The following AP1M1 variants were observed in gnomAD, a reference collection of about 807,000 sequenced individuals.
AP1M1 encodes AP-1 complex subunit mu-1.
AP1M1 carries 18 observed loss-of-function variants against 57.1 expected under a neutral mutation model. The ratio of observed to expected loss-of-function variants is 0.32; its 90% CI spans 0.22 to 0.47. AP1M1 has a LOEUF of 0.47. Among genes scored for constraint, AP1M1 ranks in the 20% least tolerant of loss-of-function variants. The probability of loss-of-function intolerance (pLI) is 1.00; values close to 1 mark genes in which losing one functional copy is unlikely to be tolerated. For synonymous variants in AP1M1, 241 were observed against 237.9 expected (o/e 1.01, Z -0.12); for missense variants, 362 against 593.5 (o/e 0.61, Z 4.05).
At position 16,235,129 on chromosome 19, in the gene AP1M1, G is replaced by T. The variant is rs1478442973; in HGVS notation, c.*694G>T. 1 of 152,402 alleles carries T rather than the reference G, an allele frequency of 6.6e-6. No individual in the cohort carries two copies. The highest frequency in any genetic ancestry group is 1.5e-5 in the Non-Finnish European group (1 of 68,208). The allele number at this position is 152,402 out of a possible 1,614,324, so 9.4% of individuals were successfully genotyped here. ...GCCTCGCCTGTGGCGCCTTCCCAGGGCCAGCCTGGGTCACGAGATGCTGTC... is the reference window on the plus strand; with the variant it reads ...GCCTCGCCTGTGGCGCCTTCCCAGGTCCAGCCTGGGTCACGAGATGCTGTC... On this transcript the variant is annotated 3_prime_UTR_variant, in exon 12 of 12. Transcript: ENST00000291439.
At position 16,207,423 on chromosome 19, in the gene AP1M1, C is replaced by T. The variant is rs535671685; in HGVS notation, c.268-596C>T. The stretch of plus-strand genomic sequence containing the variant: ...TTTCCAAGCAGAGGCCGGGTGATCA[C>T]AGTCCTGAAGCGCGCAGGGGTCAGC... On this transcript the variant is annotated intron_variant, in intron 3 of 11. Transcript: ENST00000291439. The surrounding 1 kb of genome is among the most constrained non-coding windows in gnomAD (Gnocchi z 4.2). Among the ~76,000 whole-genome samples the T allele has an allele frequency of 8.7e-4, 132 of 152,124 alleles. No individual in the cohort carries two copies. Among genetic ancestry groups the T allele is most frequent in the Middle Eastern group, 3.4e-3 (1 of 294 alleles).
intron 5 of AP1M1, 52 bp from the exon 6 acceptor site, chr19:16,226,369 C>T: frequency 6.7e-7 from 1 of 1,501,766 alleles, no homozygotes; most frequent in Non-Finnish European, 8.9e-7. Context: ...TGGTAGGAGG[C>T]AGTGGCTGGT....
chr19:16,225,646 C>G (rs2091568005), intron 5 of AP1M1, among the ~76,000 whole-genome samples: 1 of 152,220 alleles, frequency 6.6e-6, no homozygotes, highest in African/African-American at 2.4e-5. Flanking sequence ...CCCCACAGTC[C>G]CTGCCCCAGA....
chr19:16,217,698 AC>A (rs1238794452), intron 5 of AP1M1, among the ~76,000 whole-genome samples: 1 of 152,150 alleles, frequency 6.6e-6, no homozygotes, highest in African/African-American at 2.4e-5. Context: ...GGGCAAGACT[AC>A]CCTGGAGAGT....
chr19:16,208,335 C>A (rs2091478725), intron 4 of AP1M1, 186 bp downstream of exon 4: 1 of 551,276 alleles, frequency 1.8e-6, no homozygotes, highest in Non-Finnish European at 3.1e-6. Flanking sequence ...CTCCTCTACG[C>A]CCCCACATAA....
chr19:16,233,217 T>C (rs2091606777), intron 9 of AP1M1, among the ~76,000 whole-genome samples: 1 of 152,206 alleles, frequency 6.6e-6, no homozygotes, highest in Non-Finnish European at 1.5e-5. Flanking sequence ...CAGACCACAC[T>C]GGCAGGGGCT....
intron 2 of AP1M1, among the ~76,000 whole-genome samples, chr19:16,205,461 C>T (rs771948347): frequency 3.3e-5 from 5 of 152,276 alleles, no homozygotes; most frequent in South Asian, 2.1e-4. Context: ...GGCCAGCACT[C>T]GTTTGACTGG....
At position 16,197,969 on chromosome 19, in the gene AP1M1, C is replaced by T; in HGVS notation, c.-58C>T. 1 of 1,494,514 alleles carries T rather than the reference C, an allele frequency of 6.7e-7. No homozygotes were observed. Among genetic ancestry groups the T allele is most frequent in the Non-Finnish European group, 9.0e-7 (1 of 1,111,710 alleles). 92.6% of individuals were successfully genotyped at this position (1,494,514 alleles called of 1,614,324 possible). A position where few individuals can be genotyped will look rare whatever the true frequency, so the allele number is the denominator to read the frequency against. On this transcript the variant is annotated 5_prime_UTR_variant, in exon 1 of 12. Coordinates refer to ENST00000291439, the MANE Select transcript of AP1M1 (RefSeq NM_032493.4). Reference sequence around the variant, plus strand: ...GGCCTTGCTCAACGCCCAGCAGTCCCCACCGTCGCTGCCGCCGCCACCGCC... The same window carrying T: ...GGCCTTGCTCAACGCCCAGCAGTCCTCACCGTCGCTGCCGCCGCCACCGCC...
At chr19:16,202,401 A>G (rs1253316862) in intron 1 of AP1M1, among the ~76,000 whole-genome samples, 1 of 152,200 alleles carries the variant, frequency 6.6e-6, no homozygotes. Flanking sequence ...GGTATAATTT[A>G]CATTAATAAC....
At chr19:16,222,205 ATTATTATT>A (rs1353387951) in intron 5 of AP1M1, among the ~76,000 whole-genome samples, 1 of 60,370 alleles carries the variant, frequency 1.7e-5, no homozygotes, top group African/African-American at 4.1e-5. Context: ...TACTATTATT[ATTATTATT>A]TTTTTTTTTT....
chr19:16,233,440 G>A lies in AP1M1; in HGVS notation c.1048-53G>A, dbSNP rs945854606. 22 of 1,512,656 alleles carry A rather than the reference G, an allele frequency of 1.5e-5. No individual in the cohort carries two copies. In the East Asian group the frequency reaches 5.2e-4, roughly 36 times the overall value. 93.7% of individuals were successfully genotyped at this position (1,512,656 alleles called of 1,614,324 possible). ...CATCGCCACTAGGGCCAGAGCTGTT[G>A]GCTAAGCTGGGGCAGGGCCTAGGCC... On this transcript the variant is annotated intron_variant, in intron 9 of 11. Coordinates refer to ENST00000291439, the MANE Select transcript of AP1M1 (RefSeq NM_032493.4).
intron 5 of AP1M1, among the ~76,000 whole-genome samples, chr19:16,214,759 T>A (rs77670180): frequency 6.6e-6 from 1 of 151,526 alleles, no homozygotes; most frequent in East Asian, 2.0e-4. Context: ...TTATTCTTCT[T>A]TTTTTTTGAG....
chr19:16,219,241 A>G (rs747963520), intron 5 of AP1M1, among the ~76,000 whole-genome samples: 9 of 152,100 alleles, frequency 5.9e-5, no homozygotes, highest in Non-Finnish European at 1.2e-4. Context: ...CATTGGTCAT[A>G]GTGTATTATA....
At chr19:16,222,220 T>G (rs1293359025) in intron 5 of AP1M1, among the ~76,000 whole-genome samples, 1 of 148,872 alleles carries the variant, frequency 6.7e-6, no homozygotes. Context: ...TATTTTTTTT[T>G]TTTTTGAGAT....
rs1412793363 is a variant in AP1M1, at chr19:16,203,403, C to T, written c.43-56C>T. 17 of 1,601,822 alleles carry T rather than the reference C, an allele frequency of 1.1e-5. No individual in the cohort carries two copies. Among genetic ancestry groups the T allele is most frequent in the East Asian group, 8.9e-5 (4 of 44,784 alleles). Reference sequence around the variant, plus strand: ...GTGCATCTCACCCCCTGCCCCAAGCCCCCAGATTGTAGAACTGAAAATGCA... The same window carrying T: ...GTGCATCTCACCCCCTGCCCCAAGCTCCCAGATTGTAGAACTGAAAATGCA... On this transcript the variant is annotated intron_variant, in intron 1 of 11. Coordinates refer to ENST00000291439, the MANE Select transcript of AP1M1 (RefSeq NM_032493.4). The surrounding 1 kb of genome is among the most constrained non-coding windows in gnomAD (Gnocchi z 4.6).
chr19:16,222,861 A>G (rs2091552185), intron 5 of AP1M1, among the ~76,000 whole-genome samples: 1 of 152,044 alleles, frequency 6.6e-6, no homozygotes, highest in South Asian at 2.1e-4. Flanking sequence ...CTTCTTTATC[A>G]TCTGTTTCTT....
rs773344329 is a variant in AP1M1 at position 16,227,691 on chromosome 19, G to A, written c.816+1G>A. On this transcript the variant is annotated splice_donor_variant, in intron 7 of 11. Coordinates refer to ENST00000291439, the MANE Select transcript of AP1M1 (RefSeq NM_032493.4). LOFTEE classifies it high-confidence loss of function. This position sits in a 1 kb window ranked among gnomAD's most constrained non-coding sequence, Gnocchi z 6.2. ...CATGTCCTACCGTCTCAACACCCAC[G>A]TGAGTGCGCCACCCTGGGGCTGGGC... 2 of 1,613,272 alleles carry A rather than the reference G, an allele frequency of 1.2e-6. No homozygotes were observed. Among genetic ancestry groups the A allele is most frequent in the African/African-American group, 1.3e-5 (1 of 75,004 alleles).
chr19:16,233,269 G>A (rs904480544), intron 9 of AP1M1, among the ~76,000 whole-genome samples: 2 of 152,190 alleles, frequency 1.3e-5, no homozygotes, highest in African/African-American at 4.8e-5. Flanking sequence ...AGCTCTGGGC[G>A]CCTGGGTATC....
rs1035696175 is a variant in AP1M1, at chr19:16,227,192, C to G, written c.674-356C>G. On this transcript the variant is annotated intron_variant, in intron 6 of 11. Transcript: ENST00000291439. The surrounding 1 kb of genome is among the most constrained non-coding windows in gnomAD (Gnocchi z 6.2). ...CAAACCAAGGTAGGACCCAGGACCC[C>G]GTGGATGCCAGGGCCTGAGCCCTTG... Among the ~76,000 whole-genome samples, 1 of 152,134 alleles carries G rather than the reference C, an allele frequency of 6.6e-6. No individual in the cohort carries two copies. Among genetic ancestry groups the G allele is most frequent in the Non-Finnish European group, 1.5e-5 (1 of 67,986 alleles).
Sources: allele counts gnomAD v4.1 joint callset (sites outside exome capture counted in the v4.1 genomes callset), GRCh38; gene constraint gnomAD v4.1.1; non-coding constraint Gnocchi (gnomAD v3.1); transcripts MANE v1.5; gene names NCBI Gene and HGNC (gene_info 2026-07-23, HGNC 2026-07-21).